The following NUAK1 variants were observed in gnomAD, a reference collection of about 807,000 sequenced individuals.
NUAK1 encodes the protein NUAK family SNF1-like kinase 1.
A neutral mutation model predicts 56.9 loss-of-function variants in NUAK1; 26 were observed. The observed-to-expected ratio is 0.46, with a 90% CI of 0.33 to 0.63. The LOEUF (loss-of-function observed/expected upper bound fraction) is 0.63. NUAK1 is among the 30% of genes least tolerant of loss of function. The probability of loss-of-function intolerance (pLI) is 0.02; values close to 1 mark genes in which losing one functional copy is unlikely to be tolerated. For missense variants in NUAK1, 727 were observed against 876.1 expected (o/e 0.83, Z 2.15); for synonymous variants, 337 against 336.0 (o/e 1.00, Z -0.03).
In NUAK1 at chr12:106,066,777, G is replaced by A. The variant is rs146404799; in HGVS notation, c.*25C>T. 2,639 of 1,573,002 alleles carry A rather than the reference G, an allele frequency of 1.7e-3. 15 individuals carry two copies. In the Middle Eastern group the frequency reaches 0.021, roughly 13 times the overall value. On this transcript the variant is annotated 3_prime_UTR_variant, in exon 7 of 7. Transcript: ENST00000261402. ...GCTCCCCTTCCTCCCTCGTACCCCC[G>A]CCCGCCCCTGGGCGCCCTGGAATGC...
chr12:106,108,737 T>C (rs1015529392), intron 1 of NUAK1, among the ~76,000 whole-genome samples: 1 of 152,158 alleles, frequency 6.6e-6, no homozygotes, highest in East Asian at 1.9e-4. Context: ...GGAGGCTCTA[T>C]TGTCAAGTTA....
At chr12:106,092,319 C>A (rs1195430108) in intron 2 of NUAK1, among the ~76,000 whole-genome samples, 1 of 152,148 alleles carries the variant, frequency 6.6e-6, no homozygotes, top group African/African-American at 2.4e-5. Flanking sequence ...GAGACCGAGA[C>A]CAGCCTGGTC....
intron 4 of NUAK1, among the ~76,000 whole-genome samples, chr12:106,073,805 G>C (rs754877033): frequency 1.3e-5 from 2 of 151,570 alleles, no homozygotes; most frequent in Non-Finnish European, 2.9e-5. Flanking sequence ...GCGACAAAGC[G>C]AGATTCAATC....
At chr12:106,078,422 T>C (rs2032484364) in intron 4 of NUAK1, among the ~76,000 whole-genome samples, 1 of 152,194 alleles carries the variant, frequency 6.6e-6, no homozygotes, top group African/African-American at 2.4e-5. Context: ...GCCTGAGACA[T>C]CGGTGAACAG....
chr12:106,093,994 A>C (rs565486345), intron 2 of NUAK1, among the ~76,000 whole-genome samples: 2 of 151,362 alleles, frequency 1.3e-5, no homozygotes, highest in Non-Finnish European at 2.9e-5. Flanking sequence ...TTCTTGGTAG[A>C]GACAGGGTTT....
intron 2 of NUAK1, among the ~76,000 whole-genome samples, chr12:106,092,206 T>C (rs1181333511): frequency 3.3e-5 from 5 of 152,040 alleles, no homozygotes; most frequent in African/African-American, 4.8e-5. Flanking sequence ...AAATCGTAGA[T>C]GAGTTTTGAA....
chr12:106,095,226 C>G (rs1473589810), intron 2 of NUAK1, among the ~76,000 whole-genome samples: 1 of 152,198 alleles, frequency 6.6e-6, no homozygotes, highest in African/African-American at 2.4e-5. Flanking sequence ...GGCAATTGAT[C>G]AGAACCTCTC....
rs765077418 is a variant in NUAK1 at position 106,067,204 on chromosome 12, G to A, written c.1584C>T (p.Ser528=). 6.2e-7 allele frequency: 1 copy of A among 1,613,994 alleles called. No individual in the cohort carries two copies. Among genetic ancestry groups the A allele is most frequent in the African/African-American group, 1.3e-5 (1 of 74,894 alleles). ...SCRRKGILKH[S]SKYSAGTMDP... ...CCATGGTGCCCGCTGAGTATTTGCTGCTGTGTTTCAAGATGCCCTTCCTCC... is the reference window on the plus strand; with the variant it reads ...CCATGGTGCCCGCTGAGTATTTGCTACTGTGTTTCAAGATGCCCTTCCTCC... Residue 528 remains serine, a synonymous_variant, in exon 7 of 7, where the codon AGC becomes AGT. Coordinates refer to ENST00000261402, the MANE Select transcript of NUAK1 (RefSeq NM_014840.3). The surrounding 1 kb of genome is among the most constrained non-coding windows in gnomAD (Gnocchi z 6.0).
rs2136452982 is a variant in NUAK1 at position 106,064,292 on chromosome 12, G to A, written c.*2510C>T. 1 of 152,358 alleles carries A rather than the reference G, an allele frequency of 6.6e-6. No individual in the cohort carries two copies. Among genetic ancestry groups the A allele is most frequent in the East Asian group, 1.9e-4 (1 of 5,180 alleles). The allele number at this position is 152,358 out of a possible 1,614,324, so 9.4% of individuals were successfully genotyped here. ...GTCAACACCACACCTAGAATCAGAG[G>A]ATGTTGGCAGAGTGTCAGAGCTAAG... On this transcript the variant is annotated 3_prime_UTR_variant, in exon 7 of 7. Transcript: ENST00000261402.
chr12:106,138,658 A>G lies in NUAK1; in HGVS notation c.-5T>C. On this transcript the variant is annotated 5_prime_UTR_variant, in exon 1 of 7. Transcript: ENST00000261402. The surrounding 1 kb of genome is among the most constrained non-coding windows in gnomAD (Gnocchi z 5.0). The stretch of plus-strand genomic sequence containing the variant: ...AGGCGCGGCGGCCCCTTCCATGTCC[A>G]AGCGCGGGGCGAGCCGGGCTACAGA... 6.6e-7 allele frequency: 1 copy of G among 1,519,312 alleles called. No homozygotes were observed. The highest frequency in any genetic ancestry group is 8.7e-7 in the Non-Finnish European group (1 of 1,143,594). The allele number at this position is 1,519,312 out of a possible 1,614,324, so 94.1% of individuals were successfully genotyped here. A position where few individuals can be genotyped will look rare whatever the true frequency, so the allele number is the denominator to read the frequency against.
chr12:106,094,621 C>A (rs982856080), intron 2 of NUAK1, among the ~76,000 whole-genome samples: 4 of 152,198 alleles, frequency 2.6e-5, no homozygotes, highest in African/African-American at 4.8e-5. Flanking sequence ...CTGGTTTGCA[C>A]AACAAAAGAC....
chr12:106,108,480 T>C (rs1485452574), intron 1 of NUAK1, among the ~76,000 whole-genome samples: 3 of 150,582 alleles, frequency 2.0e-5, no homozygotes, highest in Non-Finnish European at 3.0e-5. Context: ...CCCCATTCAG[T>C]ATAGGGCAAG....
At chr12:106,127,018 C>A (rs967110203) in intron 1 of NUAK1, among the ~76,000 whole-genome samples, 6 of 152,240 alleles carry the variant, frequency 3.9e-5, no homozygotes, top group African/African-American at 7.2e-5. Flanking sequence ...ACAAATAACA[C>A]TGCTTGACAA....
rs181116845 is a variant in NUAK1 at position 106,083,060 on chromosome 12, A to T, written c.579+804T>A. Among the ~76,000 whole-genome samples the T allele has an allele frequency of 3.9e-5, 6 of 152,312 alleles. No individual in the cohort carries two copies. The East Asian group carries it at 1.2e-3, about 29-fold the overall frequency. On this transcript the variant is annotated intron_variant, in intron 4 of 6. Transcript: ENST00000261402. ...ACATTCAGAGGGCTCCCTGGGAGGC[A>T]CTTGAACCCTGTGGGCCAGGAGAAC...
chr12:106,118,259 A>C (rs886736561), intron 1 of NUAK1, among the ~76,000 whole-genome samples: 1 of 152,236 alleles, frequency 6.6e-6, no homozygotes, highest in Non-Finnish European at 1.5e-5. Flanking sequence ...AGAGGAAAAC[A>C]GAAACCAACA....
intron 2 of NUAK1, among the ~76,000 whole-genome samples, chr12:106,096,524 T>G (rs149358887): frequency 4.9e-4 from 75 of 152,316 alleles, no homozygotes; most frequent in African/African-American, 1.7e-3. Flanking sequence ...GGACTTCATG[T>G]GGAACGTGTG....
chr12:106,128,225 G>T, intron 1 of NUAK1, among the ~76,000 whole-genome samples: 1 of 149,958 alleles, frequency 6.7e-6, no homozygotes, highest in East Asian at 2.0e-4. Flanking sequence ...TCCGCCTCCC[G>T]GGTTCAAGCG....
chr12:106,115,339 A>G (rs1317411728), intron 1 of NUAK1, among the ~76,000 whole-genome samples: 2 of 152,254 alleles, frequency 1.3e-5, no homozygotes, highest in East Asian at 3.8e-4. Context: ...GAATGGTTTT[A>G]TAAATAAGTG....
intron 1 of NUAK1, among the ~76,000 whole-genome samples, chr12:106,137,798 T>C (rs935951727): frequency 6.6e-6 from 1 of 152,260 alleles, no homozygotes; most frequent in African/African-American, 2.4e-5. Context: ...CCCAAAGCCA[T>C]GATGCAAACT....
Sources: allele counts gnomAD v4.1 joint callset (sites outside exome capture counted in the v4.1 genomes callset), GRCh38; gene constraint gnomAD v4.1.1; non-coding constraint Gnocchi (gnomAD v3.1); transcripts MANE v1.5; gene names NCBI Gene and HGNC (gene_info 2026-07-23, HGNC 2026-07-21).